STK31: variants seen among roughly 807,000 people sequenced by gnomAD.
The protein encoded by STK31 is serine/threonine kinase 31, also known as serine/threonine-protein kinase 31.
A neutral mutation model predicts 129.7 loss-of-function variants in STK31; 89 were observed. That is an observed-to-expected ratio of 0.69 (90% CI 0.58 to 0.82). The LOEUF (loss-of-function observed/expected upper bound fraction) is 0.82. Among genes scored for constraint, STK31 ranks in the 40% least tolerant of loss-of-function variants. STK31 has a pLI of 0.00. For synonymous variants in STK31, 448 were observed against 395.3 expected, an observed-to-expected ratio of 1.13 and a Z score of -1.58; for missense variants, 1,187 against 1,176.4, an observed-to-expected ratio of 1.01 and a Z score of -0.13.
chr7:23,819,787 G>C (rs941354849), intron 23 of STK31, among the ~76,000 whole-genome samples: 1 of 152,134 alleles, frequency 6.6e-6, no homozygotes, highest in African/African-American at 2.4e-5. Context: ...GTCAAATAAT[G>C]GAATAGCAAC....
intron 22 of STK31, among the ~76,000 whole-genome samples, chr7:23,812,526 A>G (rs573740010): frequency 6.7e-6 from 1 of 149,084 alleles, no homozygotes; most frequent in Admixed American, 6.7e-5. Context: ...TTTTTTTATT[A>G]AATTTCTCTA....
At chr7:23,728,523 G>T (rs966179877) in intron 5 of STK31, among the ~76,000 whole-genome samples, 2 of 152,062 alleles carry the variant, frequency 1.3e-5, no homozygotes, top group Admixed American at 6.5e-5. Context: ...ATGTTTTTCA[G>T]TTGGCTTTAA....
rs1792221229 is a variant in STK31, at chr7:23,799,368, G to A, written c.2760+8422G>A. ...GTACAAGGCTACAGTAACCAAAATA[G>A]CATGGTACCGGTACCAAAATAGATA... On this transcript the variant is annotated intron_variant, in intron 22 of 23. Coordinates refer to ENST00000355870, the MANE Select transcript of STK31 (RefSeq NM_031414.5). Among the ~76,000 whole-genome samples, 5 of 152,252 alleles carry A rather than the reference G, an allele frequency of 3.3e-5. No homozygotes were observed. The South Asian group carries it at 1.0e-3, about 32-fold the overall frequency.
intron 23 of STK31, among the ~76,000 whole-genome samples, chr7:23,831,470 A>G (rs957613626): frequency 6.6e-6 from 1 of 152,044 alleles, no homozygotes; most frequent in Non-Finnish European, 1.5e-5. Context: ...ATCTTTTCCC[A>G]TCTTTTTGCA....
At chr7:23,786,991 C>T (rs1456736780) in intron 20 of STK31, 67 bp downstream of exon 20, 3 of 1,460,300 alleles carry the variant, frequency 2.1e-6, no homozygotes, top group Middle Eastern at 1.8e-4. Context: ...GATATTTATT[C>T]AGGCATACTA....
intron 3 of STK31, among the ~76,000 whole-genome samples, chr7:23,714,664 A>G (rs1786189209): frequency 6.6e-6 from 1 of 152,204 alleles, no homozygotes; most frequent in African/African-American, 2.4e-5. Flanking sequence ...TCCTTAGACT[A>G]GCCATATTTC....
chr7:23,791,279 G>T (rs766292513), intron 22 of STK31: 3 of 985,226 alleles, frequency 3.0e-6, no homozygotes, highest in Non-Finnish European at 3.6e-6. Context: ...CCTGCTTCCA[G>T]TGTAGACCAA....
intron 23 of STK31, among the ~76,000 whole-genome samples, chr7:23,830,620 G>GTGTGTGTA (rs1204165913): frequency 2.1e-5 from 3 of 141,068 alleles, no homozygotes; most frequent in African/African-American, 7.7e-5. Context: ...GTGTGTGTGT[G>GTGTGTGTA]TGTGTGTGTT....
chr7:23,802,145 C>T (rs755403263), intron 22 of STK31, among the ~76,000 whole-genome samples: 1 of 151,918 alleles, frequency 6.6e-6, no homozygotes, highest in Admixed American at 6.6e-5. Context: ...GCTGCTTCAC[C>T]TCACTCAGAG....
chr7:23,826,061 G>T (rs368388790), intron 23 of STK31, among the ~76,000 whole-genome samples: 1 of 152,106 alleles, frequency 6.6e-6, no homozygotes, highest in Non-Finnish European at 1.5e-5. Flanking sequence ...GTGCTGAAAA[G>T]AATGTATATT....
intron 6 of STK31, among the ~76,000 whole-genome samples, chr7:23,730,878 A>ATATATATATATATATATTTT: frequency 5.0e-5 from 3 of 59,542 alleles, no homozygotes; most frequent in Admixed American, 2.7e-4. Context: ...ATATATATAT[A>ATATATATATATATATATTTT]TTTTTTTTTT....
rs147489174 is a variant in STK31 at position 23,711,162 on chromosome 7, AT to A, written c.50+829del. Among the ~76,000 whole-genome samples the A allele has an allele frequency of 8.6e-4, 131 of 152,270 alleles. 1 individual carries two copies. The highest frequency in any genetic ancestry group is 3.1e-3 in the African/African-American group (130 of 41,554). On this transcript the variant is annotated intron_variant, in intron 1 of 23. Coordinates refer to ENST00000355870, the MANE Select transcript of STK31 (RefSeq NM_031414.5). ...AGACAACTTTTAAAGCTCTTAAAAA[AT>A]TGCGGTGGCTTAGGCCTGTAATCCC...
intron 10 of STK31, among the ~76,000 whole-genome samples, chr7:23,760,516 A>T (rs1789397770): frequency 6.6e-6 from 1 of 152,322 alleles, no homozygotes; most frequent in East Asian, 1.9e-4. Flanking sequence ...AATTTCTATG[A>T]AACACAGGCA....
Position 23,769,070 on chromosome 7 carries a change from T to G in STK31, c.1492T>G (p.Phe498Val). The G allele has an allele frequency of 6.2e-7, 1 of 1,613,240 alleles. No homozygotes were observed. Among genetic ancestry groups the G allele is most frequent in the Non-Finnish European group, 8.5e-7 (1 of 1,179,448 alleles). Residue 498 changes from phenylalanine to valine, a missense_variant, in exon 12 of 24, where the codon TTT becomes GTT. Phe to Val is a conservative substitution (Grantham distance 50). This residue lies in a region of STK31 where 975 missense variants were observed against 934.9 expected (regional missense o/e 1.04). Coordinates refer to ENST00000355870, the MANE Select transcript of STK31 (RefSeq NM_031414.5). ...GANSDEILKK[F>V]YDWKCDKREE... ...AAATTCTGATGAAATACTTAAAAAA[T>G]TTTATGACTGGAAGTGTGATAAAAG...
intron 22 of STK31, among the ~76,000 whole-genome samples, chr7:23,793,932 A>G (rs1791794811): frequency 6.6e-6 from 1 of 152,246 alleles, no homozygotes; most frequent in South Asian, 2.1e-4. Context: ...TTGTATGTAA[A>G]TATTGAAAGA....
intron 8 of STK31, among the ~76,000 whole-genome samples, chr7:23,747,262 G>A (rs1001846136): frequency 5.9e-5 from 9 of 152,076 alleles, no homozygotes; most frequent in Admixed American, 1.3e-4. Flanking sequence ...TTAAATGTTT[G>A]GTAGAATTTA....
chr7:23,730,897 G>C (rs1425442856), intron 6 of STK31, among the ~76,000 whole-genome samples: 1 of 28,294 alleles, frequency 3.5e-5, no homozygotes, highest in Non-Finnish European at 8.9e-5. Flanking sequence ...TTTTTTTTTT[G>C]GTTGGGGGTT....
At chr7:23,821,631 G>A (rs1228303674) in intron 23 of STK31, among the ~76,000 whole-genome samples, 2 of 152,070 alleles carry the variant, frequency 1.3e-5, no homozygotes, top group African/African-American at 4.8e-5. Context: ...TATTTCCTTT[G>A]CTGTGCAGAA....
intron 23 of STK31, among the ~76,000 whole-genome samples, chr7:23,821,604 T>A (rs1055941450): frequency 5.9e-5 from 9 of 152,188 alleles, no homozygotes; most frequent in African/African-American, 2.2e-4. Context: ...ACAAATTGTC[T>A]CTTACACTCT....
Sources: gnomAD v4.1 joint callset for allele counts (sites outside exome capture counted in the v4.1 genomes callset) on GRCh38, gnomAD v4.1.1 for gene constraint, gnomAD v4.1.1 regional missense constraint, MANE v1.5 for transcripts, NCBI Gene and HGNC (gene_info 2026-07-23, HGNC 2026-07-21) for gene names.